Variants in TMEM44 observed in about 807,000 individuals in gnomAD.
TMEM44 encodes transmembrane protein 44.
In TMEM44, 43 loss-of-function variants were observed where a neutral mutation model predicts 47.8. The observed-to-expected ratio is 0.90, with a 90% CI of 0.70 to 1.16. TMEM44 has a LOEUF of 1.16. Among genes scored for constraint, TMEM44 ranks in the 50% most tolerant of loss-of-function variants. The probability of loss-of-function intolerance (pLI) is 0.00; values close to 1 mark genes in which losing one functional copy is unlikely to be tolerated. For synonymous variants in TMEM44, 277 were observed against 238.8 expected (o/e 1.16, Z -1.48); for missense variants, 568 against 555.2 (o/e 1.02, Z -0.23).
intron 9 of TMEM44, chr3:194,589,159 C>T (rs1285516839): frequency 6.5e-6 from 1 of 154,492 alleles, no homozygotes; most frequent in African/African-American, 2.4e-5. Flanking sequence ...ACCACAATGC[C>T]TGGCTAAGTT....
chr3:194,617,553 C>A (rs141170150), intron 5 of TMEM44: 24 of 650,264 alleles, frequency 3.7e-5, no homozygotes, highest in African/African-American at 2.9e-4. Context: ...TAACGCATCC[C>A]TCCAGCGGAG....
At chr3:194,609,217 G>C (rs569278027) in intron 8 of TMEM44, among the ~76,000 whole-genome samples, 1 of 152,310 alleles carries the variant, frequency 6.6e-6, no homozygotes, top group Non-Finnish European at 1.5e-5. Context: ...TGGGCAGCTG[G>C]GCAGCCGAGA....
intron 8 of TMEM44, 126 bp downstream of exon 8, chr3:194,610,790 C>CT: frequency 2.4e-6 from 2 of 831,428 alleles, no homozygotes; most frequent in East Asian, 5.4e-5. Context: ...ACAGCTCCTT[C>CT]TTTTTTACCT....
Position 194,633,340 on chromosome 3 carries a change from G to T in TMEM44, c.-125C>A. 2.7e-6 allele frequency: 1 copy of T among 374,750 alleles called. No homozygotes were observed. Among genetic ancestry groups the T allele is most frequent in the Non-Finnish European group, 3.7e-6 (1 of 269,312 alleles). 23.2% of individuals were successfully genotyped at this position (374,750 alleles called of 1,614,324 possible). A position where few individuals can be genotyped will look rare whatever the true frequency, so the allele number is the denominator to read the frequency against. Reference sequence around the variant, plus strand: ...GTTCCGTTCCGCCGCGGCGCCTCCGGCCGAGCGCACCGACCGCGGGCAGAG... The same window carrying T: ...GTTCCGTTCCGCCGCGGCGCCTCCGTCCGAGCGCACCGACCGCGGGCAGAG... On this transcript the variant is annotated 5_prime_UTR_variant, in exon 1 of 10. Coordinates refer to ENST00000347147, the MANE Select transcript of TMEM44 (RefSeq NM_001011655.3).
chr3:194,617,362 C>T, intron 5 of TMEM44, 93 bp from the exon 6 acceptor site: 1 of 1,357,766 alleles, frequency 7.4e-7, no homozygotes, highest in Non-Finnish European at 9.8e-7. Context: ...GGCAAGCCCT[C>T]TGCCTGCAGC....
chr3:194,620,926 C>T (rs1156864167), intron 5 of TMEM44, among the ~76,000 whole-genome samples: 1 of 151,318 alleles, frequency 6.6e-6, no homozygotes, highest in East Asian at 1.9e-4. Flanking sequence ...ACTTGGGAGG[C>T]TGAGGCACAG....
intron 5 of TMEM44, among the ~76,000 whole-genome samples, chr3:194,618,655 G>A (rs950660454): frequency 3.3e-5 from 5 of 150,946 alleles, no homozygotes; most frequent in African/African-American, 1.2e-4. Context: ...AAACTCATTA[G>A]ATGACTCATT....
At chr3:194,625,433 G>C (rs532364784) in intron 3 of TMEM44, among the ~76,000 whole-genome samples, 2 of 100,684 alleles carry the variant, frequency 2.0e-5, no homozygotes, top group Admixed American at 9.4e-5. Context: ...TCTTTTTTGG[G>C]GGGGGGGGGT....
At chr3:194,619,360 A>G (rs1384794560) in intron 5 of TMEM44, among the ~76,000 whole-genome samples, 2 of 152,210 alleles carry the variant, frequency 1.3e-5, no homozygotes, top group Non-Finnish European at 2.9e-5. Flanking sequence ...TGGATGAGAC[A>G]TGGCAGTCCC....
Position 194,633,122 on chromosome 3 carries a change from G to A in TMEM44, c.94C>T (p.Leu32=), listed in dbSNP as rs1307733986. The A allele has an allele frequency of 6.4e-7, 1 of 1,551,540 alleles. No homozygotes were observed. Among genetic ancestry groups the A allele is most frequent in the Non-Finnish European group, 8.7e-7 (1 of 1,148,082 alleles). Residue 32 remains leucine (L), a synonymous_variant, in exon 1 of 10, where the codon CTG becomes TTG. Transcript: ENST00000347147. ...CAGCAGGAGGAGGCGCAGATCCACAGGCCGAAGGAGATGCAGACGCGGTGG... is the reference window on the plus strand; with the variant it reads ...CAGCAGGAGGAGGCGCAGATCCACAAGCCGAAGGAGATGCAGACGCGGTGG... ...ARHRVCISFG[L]WICASSCWIA... is the part of the protein sequence containing the mutation.
intron 5 of TMEM44, among the ~76,000 whole-genome samples, chr3:194,618,584 T>C (rs146888447): frequency 0.034 from 5,052 of 148,358 alleles, 141 homozygotes; most frequent in South Asian, 0.14. Context: ...TTAGTTTATA[T>C]ATATAATTCA....
Position 194,611,136 on chromosome 3 carries a change from T to C in TMEM44, c.913-116A>G. The C allele has an allele frequency of 1.3e-6, 1 of 782,630 alleles. No homozygotes were observed. The highest frequency in any genetic ancestry group is 2.7e-5 in the East Asian group (1 of 37,460). The allele number at this position is 782,630 out of a possible 1,614,324, so 48.5% of individuals were successfully genotyped here. ...CCCCGTGGTATTTTCTCTCTCTCTTTTTTAACGGCACGTCTCACTTTCTGC... is the reference window on the plus strand; with the variant it reads ...CCCCGTGGTATTTTCTCTCTCTCTTCTTTAACGGCACGTCTCACTTTCTGC... On this transcript the variant is annotated intron_variant, in intron 7 of 9. Coordinates refer to ENST00000347147, the MANE Select transcript of TMEM44 (RefSeq NM_001011655.3). The surrounding 1 kb of genome is among the most constrained non-coding windows in gnomAD (Gnocchi z 4.2).
intron 9 of TMEM44, 147 bp from the exon 10 acceptor site, chr3:194,588,786 G>A: frequency 1.4e-6 from 1 of 736,294 alleles, no homozygotes; most frequent in South Asian, 1.8e-5. Flanking sequence ...AAGTTACCCA[G>A]GCCTGTGTTT....
At chr3:194,624,678 C>T (rs1422883108) in intron 3 of TMEM44, among the ~76,000 whole-genome samples, 5 of 151,736 alleles carry the variant, frequency 3.3e-5, no homozygotes, top group Non-Finnish European at 5.9e-5. Context: ...CTCAGCCTCC[C>T]GAAGTGCTGG....
chr3:194,625,494 T>G lies in TMEM44; in HGVS notation c.358+403A>C, dbSNP rs116845818. On this transcript the variant is annotated intron_variant, in intron 3 of 9. Coordinates refer to ENST00000347147, the MANE Select transcript of TMEM44 (RefSeq NM_001011655.3). ...GACGGAGTCTCGCTCTGTCACCAGGTTTGTTGAGACGGACTCTTGCTCTGT... is the reference window on the plus strand; with the variant it reads ...GACGGAGTCTCGCTCTGTCACCAGGGTTGTTGAGACGGACTCTTGCTCTGT... Among the ~76,000 whole-genome samples, 110 of 151,122 alleles carry G rather than the reference T, an allele frequency of 7.3e-4. 1 individual carries two copies. The East Asian group carries it at 0.02, about 27-fold the overall frequency.
intron 8 of TMEM44, among the ~76,000 whole-genome samples, chr3:194,609,485 C>T (rs565115470): frequency 3.3e-5 from 5 of 152,106 alleles, no homozygotes; most frequent in Non-Finnish European, 7.4e-5. Context: ...AGCTGGTGGC[C>T]GAGTGCGTGG....
At chr3:194,617,745 TGA>T (rs1369610055) in intron 5 of TMEM44, 2 of 703,960 alleles carry the variant, frequency 2.8e-6, no homozygotes. Flanking sequence ...GATCTCATGT[TGA>T]GTCGTAATCC....
At chr3:194,602,475 A>G (rs1714252363) in intron 9 of TMEM44, among the ~76,000 whole-genome samples, 1 of 152,004 alleles carries the variant, frequency 6.6e-6, no homozygotes, top group African/African-American at 2.4e-5. Flanking sequence ...GGTGGTGGGC[A>G]CCTGTAATCC....
chr3:194,627,282 G>C (rs1205325490), intron 2 of TMEM44, among the ~76,000 whole-genome samples: 1 of 152,182 alleles, frequency 6.6e-6, no homozygotes, highest in Non-Finnish European at 1.5e-5. Context: ...CTTGAAGCAG[G>C]GTCTAGAATG....
Sources: allele counts gnomAD v4.1 joint callset (sites outside exome capture counted in the v4.1 genomes callset), GRCh38; gene constraint gnomAD v4.1.1; non-coding constraint Gnocchi (gnomAD v3.1); transcripts MANE v1.5; gene names NCBI Gene and HGNC (gene_info 2026-07-23, HGNC 2026-07-21).